CERS4: variants seen among roughly 807,000 people sequenced by gnomAD.
CERS4 encodes the protein LAG1 homolog, ceramide synthase 4.
A neutral mutation model predicts 51.8 loss-of-function variants in CERS4; 65 were observed. The ratio of observed to expected loss-of-function variants is 1.26; its 90% CI spans 1.03 to 1.54. CERS4 has a LOEUF of 1.54. Ranked by LOEUF, CERS4 falls within the 40% of genes most tolerant of loss-of-function variation. CERS4 has a pLI of 0.00. For missense variants in CERS4, 563 were observed against 500.4 expected (o/e 1.13, Z -1.19); for synonymous variants, 228 against 208.4 (o/e 1.09, Z -0.81).
chr19:8,221,116 T>C (rs1365221197), intron 2 of CERS4, among the ~76,000 whole-genome samples: 1 of 151,440 alleles, frequency 6.6e-6, no homozygotes, highest in Non-Finnish European at 1.5e-5. Context: ...TGAGCCACTG[T>C]GCCCGGCCTG....
At chr19:8,245,401 C>T (rs1425197672) in intron 2 of CERS4, among the ~76,000 whole-genome samples, 1 of 151,772 alleles carries the variant, frequency 6.6e-6, no homozygotes, top group African/African-American at 2.4e-5. Flanking sequence ...TGGCCACATG[C>T]CACCTTGCCC....
intron 3 of CERS4, among the ~76,000 whole-genome samples, chr19:8,253,540 A>C (rs1278625492): frequency 1.5e-5 from 2 of 137,480 alleles, no homozygotes; most frequent in South Asian, 4.5e-4. Flanking sequence ...ACTCACTGCC[A>C]GCTCCGCCTC....
intron 2 of CERS4, among the ~76,000 whole-genome samples, chr19:8,211,089 T>G (rs1353867252): frequency 6.6e-6 from 1 of 151,306 alleles, no homozygotes; most frequent in Non-Finnish European, 1.5e-5. Context: ...CCGGTGGGAG[T>G]TCAGGGGGAT....
intron 2 of CERS4, among the ~76,000 whole-genome samples, chr19:8,213,584 A>C (rs1437514796): frequency 6.6e-6 from 1 of 152,134 alleles, no homozygotes; most frequent in Non-Finnish European, 1.5e-5. Flanking sequence ...CTAGGATTAT[A>C]GGCATGAGCC....
intron 2 of CERS4, among the ~76,000 whole-genome samples, chr19:8,214,119 C>G (rs1468491640): frequency 6.6e-6 from 1 of 152,162 alleles, no homozygotes; most frequent in East Asian, 1.9e-4. Flanking sequence ...TCCCTACCCC[C>G]TCCTGGACTC....
At chr19:8,252,390 C>T (rs1166748522) in intron 3 of CERS4, among the ~76,000 whole-genome samples, 1 of 150,758 alleles carries the variant, frequency 6.6e-6, no homozygotes, top group Non-Finnish European at 1.5e-5. Context: ...AGAACAAAAG[C>T]CTCATCCCCA....
rs993030558 is a variant in CERS4 at position 8,210,617 on chromosome 19, GTC to G, written c.-158-87_-158-86del. ...GGGTGACCCCACTGGGGCGACCTGG[GTC>G]TGTTATATGGGGATAGGGTTCCTGG... On this transcript the variant is annotated intron_variant, in intron 1 of 11. Transcript: ENST00000251363. This position sits in a 1 kb window ranked among gnomAD's most constrained non-coding sequence, Gnocchi z 4.2. 6.7e-6 allele frequency: 1 copy of G among 149,838 alleles called. No individual in the cohort carries two copies. The highest frequency in any genetic ancestry group is 1.5e-5 in the Non-Finnish European group (1 of 68,074). The allele number at this position is 149,838 out of a possible 1,614,324, so 9.3% of individuals were successfully genotyped here.
At chr19:8,240,570 G>A (rs971163410) in intron 2 of CERS4, 3 of 146,266 alleles carry the variant, frequency 2.1e-5, no homozygotes, top group Admixed American at 1.4e-4. Flanking sequence ...GCGGGTGAGT[G>A]AGTCAATGTA....
intron 6 of CERS4, 161 bp downstream of exon 6, chr19:8,256,040 T>TTTGATTGATTCAA (rs1969362795): frequency 2.1e-6 from 2 of 953,200 alleles, no homozygotes; most frequent in Non-Finnish European, 3.2e-6. Flanking sequence ...TCAACAGGTA[T>TTTGATTGATTCAA]TTGGATTTAC....
At chr19:8,253,250 G>A (rs1969181841) in intron 3 of CERS4, among the ~76,000 whole-genome samples, 1 of 152,206 alleles carries the variant, frequency 6.6e-6, no homozygotes, top group African/African-American at 2.4e-5. Flanking sequence ...ATGCTGGGAG[G>A]AGGGGCTTGG....
intron 3 of CERS4, among the ~76,000 whole-genome samples, chr19:8,253,782 G>A (rs1330129990): frequency 1.3e-5 from 2 of 152,152 alleles, no homozygotes; most frequent in South Asian, 2.1e-4. Context: ...TAGAGACAGT[G>A]TTTCACCATA....
rs532285216 is a variant in CERS4 at position 8,229,793 on chromosome 19, A to T, written c.-2+18931A>T. Among the ~76,000 whole-genome samples the T allele has an allele frequency of 3.3e-5, 5 of 151,940 alleles. No individual in the cohort carries two copies. The South Asian group carries it at 1.0e-3, about 32-fold the overall frequency. Reference sequence around the variant, plus strand: ...ATGTTCAGGACTCACTATAGCCTCAACCTCCCAAGCTCAAGTGATCCTCCT... The same window carrying T: ...ATGTTCAGGACTCACTATAGCCTCATCCTCCCAAGCTCAAGTGATCCTCCT... On this transcript the variant is annotated intron_variant, in intron 2 of 11. Transcript: ENST00000251363.
intron 10 of CERS4, 75 bp downstream of exon 10, chr19:8,258,060 T>C (rs905552952): frequency 8.7e-7 from 1 of 1,155,348 alleles, no homozygotes; most frequent in African/African-American, 1.5e-5. Flanking sequence ...TCACCATTGG[T>C]ACCCTGCCCC....
chr19:8,237,002 C>CAAAAA (rs781273995), intron 2 of CERS4, among the ~76,000 whole-genome samples: 39 of 44,946 alleles, frequency 8.7e-4, no homozygotes, highest in Non-Finnish European at 1.1e-3. Context: ...GACTCTGTCT[C>CAAAAA]AAAAAAAAAA....
intron 2 of CERS4, chr19:8,238,525 T>C (rs983265432): frequency 1.0e-6 from 1 of 985,228 alleles, no homozygotes; most frequent in Non-Finnish European, 1.2e-6. Flanking sequence ...AGAGCTTGAA[T>C]AGAACTGCAG....
intron 2 of CERS4, among the ~76,000 whole-genome samples, chr19:8,247,812 C>G (rs1264771112): frequency 6.7e-6 from 1 of 149,856 alleles, no homozygotes; most frequent in Non-Finnish European, 1.5e-5. Flanking sequence ...CAACTCACTG[C>G]AACCTCTGCC....
intron 2 of CERS4, among the ~76,000 whole-genome samples, chr19:8,227,347 C>T (rs186987044): frequency 3.3e-5 from 5 of 151,588 alleles, no homozygotes; most frequent in Admixed American, 6.6e-5. Flanking sequence ...CTTCTTTTTC[C>T]TTGAGACAGA....
intron 3 of CERS4, among the ~76,000 whole-genome samples, chr19:8,251,798 C>T (rs1198986793): frequency 9.6e-6 from 1 of 104,404 alleles, no homozygotes; most frequent in Non-Finnish European, 1.9e-5. Context: ...AGCAAGACTC[C>T]ATAAAAAAAA....
chr19:8,257,400 G>A (rs1599594874), intron 9 of CERS4, among the ~76,000 whole-genome samples: 2 of 152,052 alleles, frequency 1.3e-5, no homozygotes, highest in South Asian at 2.1e-4. Flanking sequence ...CCTCCTTGGA[G>A]GATAAAGCTA....
Sources: allele counts gnomAD v4.1 joint callset (sites outside exome capture counted in the v4.1 genomes callset), GRCh38; gene constraint gnomAD v4.1.1; non-coding constraint Gnocchi (gnomAD v3.1); transcripts MANE v1.5; gene names NCBI Gene and HGNC (gene_info 2026-07-23, HGNC 2026-07-21).